The following WWOX variants were observed in gnomAD, a reference collection of about 807,000 sequenced individuals.
The protein encoded by WWOX is WW domain-containing oxidoreductase.
WWOX carries 69 observed loss-of-function variants against 46.2 expected under a neutral mutation model. The ratio of observed to expected loss-of-function variants is 1.49; its 90% confidence interval spans 1.23 to 1.82. The LOEUF is 1.82. Among genes scored for constraint, WWOX ranks in the 40% most tolerant of loss-of-function variants. WWOX has a pLI of 0.00. For synonymous variants in WWOX, 359 were observed against 202.6 expected, an observed-to-expected ratio of 1.77 and a Z score of -6.56; for missense variants, 919 against 542.6, an observed-to-expected ratio of 1.69 and a Z score of -6.89.
At chr16:78,778,252 T>C (rs1224313229) in intron 8 of WWOX, among the ~76,000 whole-genome samples, 1 of 152,034 alleles carries the variant, frequency 6.6e-6, no homozygotes, top group Non-Finnish European at 1.5e-5. Context: ...CCCCTGTGTC[T>C]CCTTTGTGGA....
intron 8 of WWOX, among the ~76,000 whole-genome samples, chr16:78,885,566 T>G (rs531301634): frequency 2.0e-5 from 3 of 152,334 alleles, no homozygotes; most frequent in African/African-American, 7.2e-5. Context: ...GGATGTGATT[T>G]CCAACATAGA....
chr16:78,727,136 C>T (rs1214050377), intron 8 of WWOX, among the ~76,000 whole-genome samples: 14 of 152,206 alleles, frequency 9.2e-5, no homozygotes, highest in Non-Finnish European at 1.8e-4. Context: ...CAGTGGCTCA[C>T]ACCTATAATG....
chr16:78,785,799 A>G (rs542726615), intron 8 of WWOX, among the ~76,000 whole-genome samples: 20 of 142,340 alleles, frequency 1.4e-4, no homozygotes, highest in African/African-American at 5.1e-4. Flanking sequence ...GCTGAATTGG[A>G]TAATGGTTTT....
chr16:79,048,992 T>C (rs912739261), intron 8 of WWOX, among the ~76,000 whole-genome samples: 15 of 152,128 alleles, frequency 9.9e-5, no homozygotes, highest in African/African-American at 3.4e-4. Flanking sequence ...TGGACAAATA[T>C]GCAATGAGAA....
At chr16:78,289,546 C>T (rs888914743) in intron 5 of WWOX, among the ~76,000 whole-genome samples, 1 of 151,988 alleles carries the variant, frequency 6.6e-6, no homozygotes, top group Non-Finnish European at 1.5e-5. Context: ...GTACTTTTCC[C>T]AACAATCGGT....
At chr16:78,408,926 G>A (rs2082609748) in intron 6 of WWOX, among the ~76,000 whole-genome samples, 2 of 149,062 alleles carry the variant, frequency 1.3e-5, no homozygotes, top group Admixed American at 1.3e-4. Flanking sequence ...AGAAAGTACT[G>A]TGATTTAAAA....
At chr16:78,240,028 G>A (rs1324230161) in intron 5 of WWOX, among the ~76,000 whole-genome samples, 1 of 152,072 alleles carries the variant, frequency 6.6e-6, no homozygotes, top group Non-Finnish European at 1.5e-5. Context: ...GTAGTGGGTG[G>A]AATAGCGTCT....
In WWOX at chr16:78,238,614, A is replaced by T. The variant is rs183946258; in HGVS notation, c.516+74325A>T. On this transcript the variant is annotated intron_variant, in intron 5 of 8. Coordinates refer to ENST00000566780, the MANE Select transcript of WWOX (RefSeq NM_016373.4). ...TTTTGTAATATGCAGTATATGTGCT[A>T]AATTACTTTTTTTGTTGTTGTTGAG... Among the ~76,000 whole-genome samples the T allele has an allele frequency of 1.1e-4, 16 of 150,888 alleles. No homozygotes were observed. The East Asian group carries it at 3.2e-3, about 30-fold the overall frequency.
intron 8 of WWOX, among the ~76,000 whole-genome samples, chr16:79,042,728 G>GTTTTTTTTTTTTTTT (rs11379084): frequency 1.4e-5 from 2 of 143,126 alleles, no homozygotes; most frequent in Non-Finnish European, 1.5e-5. Context: ...AATACTCAGG[G>GTTTTTTTTTTTTTTT]TTTTTTTTTT....
chr16:79,095,616 G>A (rs866851062), intron 8 of WWOX, among the ~76,000 whole-genome samples: 3 of 152,296 alleles, frequency 2.0e-5, no homozygotes, highest in African/African-American at 7.2e-5. Flanking sequence ...TCTAGCGGAA[G>A]TCGATCTTCT....
intron 8 of WWOX, among the ~76,000 whole-genome samples, chr16:78,818,886 G>T (rs2051417027): frequency 6.6e-6 from 1 of 152,190 alleles, no homozygotes; most frequent in Non-Finnish European, 1.5e-5. Context: ...ATGTAAAGTG[G>T]AGGTTAAGTG....
chr16:79,153,420 C>T (rs2050319816), intron 8 of WWOX, among the ~76,000 whole-genome samples: 1 of 152,146 alleles, frequency 6.6e-6, no homozygotes, highest in Admixed American at 6.5e-5. Context: ...GAGGTGTCCT[C>T]AGGTAGCCAC....
At chr16:78,356,033 C>T (rs374524477) in intron 5 of WWOX, among the ~76,000 whole-genome samples, 1 of 119,896 alleles carries the variant, frequency 8.3e-6, no homozygotes, top group East Asian at 2.2e-4. Flanking sequence ...TTTTCTCAAG[C>T]TCTTCCAATA....
At chr16:78,365,070 A>G (rs1216153392) in intron 5 of WWOX, among the ~76,000 whole-genome samples, 1 of 152,098 alleles carries the variant, frequency 6.6e-6, no homozygotes, top group South Asian at 2.1e-4. Context: ...TCTTTCTCCA[A>G]CTAGTTTATG....
intron 8 of WWOX, among the ~76,000 whole-genome samples, chr16:78,725,821 C>T (rs1445517441): frequency 6.6e-6 from 1 of 152,000 alleles, no homozygotes; most frequent in African/African-American, 2.4e-5. Context: ...GCGGGCGGTG[C>T]TTGGTGTTCC....
intron 5 of WWOX, among the ~76,000 whole-genome samples, chr16:78,332,440 G>T (rs2080781462): frequency 6.6e-6 from 1 of 152,134 alleles, no homozygotes; most frequent in African/African-American, 2.4e-5. Context: ...TGATTTGTAT[G>T]GGCTGCATGA....
intron 8 of WWOX, among the ~76,000 whole-genome samples, chr16:79,007,109 A>G (rs2151372437): frequency 6.6e-6 from 1 of 152,316 alleles, no homozygotes; most frequent in East Asian, 1.9e-4. Context: ...CAGAGAGGTC[A>G]CAATAGCAAA....
intron 3 of WWOX, chr16:78,111,873 TA>T: frequency 5.8e-6 from 1 of 171,562 alleles, no homozygotes; most frequent in South Asian, 1.4e-4. Context: ...TTCGGCTACC[TA>T]AAAGGGAAGG....
At chr16:78,294,297 A>G (rs545460878) in intron 5 of WWOX, among the ~76,000 whole-genome samples, 142 of 152,266 alleles carry the variant, frequency 9.3e-4, no homozygotes, top group African/African-American at 3.1e-3. Flanking sequence ...GGGGTTGCAG[A>G]TGCAGAGGCA....
Sources: allele counts gnomAD v4.1 joint callset (sites outside exome capture counted in the v4.1 genomes callset), GRCh38; gene constraint gnomAD v4.1.1; transcripts MANE v1.5; gene names NCBI Gene and HGNC (gene_info 2026-07-23, HGNC 2026-07-21).